Variants in TYW1B observed in about 807,000 individuals in gnomAD.
TYW1B encodes tRNA-yW synthesizing protein 1 homolog B, also known as S-adenosyl-L-methionine-dependent tRNA 4-demethylwyosine synthase TYW1B.
In TYW1B, 73 loss-of-function variants were observed where a neutral mutation model predicts 86.9. The observed-to-expected ratio is 0.84, with a 90% CI of 0.70 to 1.02. The LOEUF is 1.02. Among genes scored for constraint, TYW1B ranks in the 50% least tolerant of loss-of-function variants. TYW1B has a pLI of 0.00. For missense variants in TYW1B, 637 were observed against 827.4 expected, an observed-to-expected ratio of 0.77 and a Z score of 2.82; for synonymous variants, 248 against 292.8, an observed-to-expected ratio of 0.85 and a Z score of 1.56.
At chr7:72,741,498 A>G (rs1332045041) in intron 8 of TYW1B, among the ~76,000 whole-genome samples, 2 of 152,172 alleles carry the variant, frequency 1.3e-5, no homozygotes, top group African/African-American at 2.4e-5. Flanking sequence ...GAGCTGGGGG[A>G]CACCATCAAG....
intron 2 of TYW1B, among the ~76,000 whole-genome samples, chr7:72,820,032 C>G (rs113559722): frequency 6.6e-6 from 1 of 151,970 alleles, no homozygotes; most frequent in African/African-American, 2.4e-5. Context: ...CCCAGCACTT[C>G]GGGAGGCCAA....
chr7:72,809,999 C>CA (rs59099398), intron 4 of TYW1B, among the ~76,000 whole-genome samples: 1,395 of 75,792 alleles, frequency 0.018, 46 homozygotes, highest in African/African-American at 0.036. Flanking sequence ...ACTCTGTTTC[C>CA]AAAAAAAAAA....
At chr7:72,721,977 T>C (rs1338926304) in intron 9 of TYW1B, among the ~76,000 whole-genome samples, 1 of 152,192 alleles carries the variant, frequency 6.6e-6, no homozygotes, top group Non-Finnish European at 1.5e-5. Context: ...TATATTCCTA[T>C]TTCTAAAGTT....
chr7:72,578,192 C>A (rs1456783250), intron 13 of TYW1B, among the ~76,000 whole-genome samples: 1 of 150,944 alleles, frequency 6.6e-6, no homozygotes, highest in Non-Finnish European at 1.5e-5. Context: ...CGGCTCACTG[C>A]AAGCTCTGCC....
In TYW1B at chr7:72,744,473, T is replaced by C. The variant is rs1787358820; in HGVS notation, c.1082+11A>G. Reference sequence around the variant, plus strand: ...CATATTCGATCACCATGACCTTTCATTTTTACTTACCACCAACAGAAGACA... The same window carrying C: ...CATATTCGATCACCATGACCTTTCACTTTTACTTACCACCAACAGAAGACA... On this transcript the variant is annotated intron_variant, in intron 8 of 13. Coordinates refer to ENST00000620995, the MANE Select transcript of TYW1B (RefSeq NM_001145440.3). 5.0e-6 allele frequency: 8 copies of C among 1,613,058 alleles called. No homozygotes were observed. The East Asian group carries it at 1.8e-4, about 36-fold the overall frequency.
chr7:72,707,438 AGTTTGAGATGGGTG>A (rs1477604566), intron 10 of TYW1B, among the ~76,000 whole-genome samples: 1 of 152,126 alleles, frequency 6.6e-6, no homozygotes, highest in African/African-American at 2.4e-5. Flanking sequence ...ATTGTTAGTT[AGTTTGAGATGGGTG>A]GTTGCAGCAA....
intron 11 of TYW1B, among the ~76,000 whole-genome samples, chr7:72,663,133 A>G (rs1483397934): frequency 2.0e-5 from 3 of 147,078 alleles, no homozygotes; most frequent in Non-Finnish European, 4.5e-5. Flanking sequence ...ATTAAGGAGG[A>G]TGAAATCTAC....
rs544759471 is a variant in TYW1B, at chr7:72,786,418, C to A, written c.847-8885G>T. On this transcript the variant is annotated intron_variant, in intron 6 of 13. Transcript: ENST00000620995. ...CATAAAGCCCAAAATCATTTCATTT[C>A]AAAAAAATAATGTACATGGATGTCT... 1.9e-4 allele frequency among the ~76,000 whole-genome samples: 29 copies of A among 151,994 alleles called. No individual in the cohort carries two copies. The East Asian group carries it at 5.6e-3, about 29-fold the overall frequency.
At chr7:72,740,398 T>A (rs1290227121) in intron 8 of TYW1B, among the ~76,000 whole-genome samples, 9 of 77,836 alleles carry the variant, frequency 1.2e-4, no homozygotes, top group East Asian at 5.2e-4. Flanking sequence ...AGACCCTGTC[T>A]CAAAAGGAAA....
chr7:72,615,383 T>C (rs1812046698), intron 13 of TYW1B, among the ~76,000 whole-genome samples: 1 of 152,222 alleles, frequency 6.6e-6, no homozygotes, highest in African/African-American at 2.4e-5. Flanking sequence ...GACACAGCCA[T>C]TTAAGCCAGT....
At chr7:72,678,619 C>T (rs1436645722) in intron 11 of TYW1B, among the ~76,000 whole-genome samples, 6 of 110,416 alleles carry the variant, frequency 5.4e-5, no homozygotes, top group Non-Finnish European at 9.0e-5. Flanking sequence ...AATTCCAGCA[C>T]TTTTTTTTTT....
At chr7:72,703,138 C>A (rs569467828) in intron 10 of TYW1B, among the ~76,000 whole-genome samples, 23 of 151,256 alleles carry the variant, frequency 1.5e-4, no homozygotes, top group Admixed American at 1.5e-3. Context: ...CATACTCCTG[C>A]CTCAGCCTCC....
intron 11 of TYW1B, among the ~76,000 whole-genome samples, chr7:72,639,242 T>A (rs111354311): frequency 8.2e-5 from 12 of 147,226 alleles, no homozygotes; most frequent in African/African-American, 2.3e-4. Flanking sequence ...TTTATTTTTT[T>A]AAATTTTTTT....
intron 6 of TYW1B, among the ~76,000 whole-genome samples, chr7:72,797,140 A>G (rs1391075187): frequency 1.3e-5 from 2 of 152,188 alleles, no homozygotes; most frequent in African/African-American, 2.4e-5. Context: ...GGTTCTTGGT[A>G]CACAGCTTCA....
chr7:72,618,031 T>G (rs1299793898), intron 12 of TYW1B, among the ~76,000 whole-genome samples: 1 of 152,022 alleles, frequency 6.6e-6, no homozygotes, highest in African/African-American at 2.4e-5. Flanking sequence ...AAATCAAACT[T>G]TTCTCAACAA....
intron 9 of TYW1B, among the ~76,000 whole-genome samples, 188 bp downstream of exon 9, chr7:72,728,619 ATTTTAAATTTTTAGT>A (rs1787048664): frequency 1.3e-5 from 2 of 152,192 alleles, no homozygotes; most frequent in African/African-American, 2.4e-5. Flanking sequence ...AAGTTGCTAC[ATTTTAAATTTTTAGT>A]TCTTCCATCA....
intron 11 of TYW1B, among the ~76,000 whole-genome samples, chr7:72,662,188 T>C (rs369707118): frequency 0.016 from 1,947 of 124,392 alleles, no homozygotes; most frequent in African/African-American, 0.028. Flanking sequence ...AAGATGGTAA[T>C]TTGCTTTCAT....
intron 13 of TYW1B, among the ~76,000 whole-genome samples, chr7:72,579,113 G>A (rs1554429255): frequency 1.3e-5 from 2 of 151,396 alleles, no homozygotes; most frequent in Non-Finnish European, 2.9e-5. Context: ...TCTAGTACAC[G>A]CAAATATACA....
intron 13 of TYW1B, among the ~76,000 whole-genome samples, chr7:72,616,350 C>T (rs1325466879): frequency 1.3e-5 from 2 of 152,186 alleles, no homozygotes; most frequent in Non-Finnish European, 2.9e-5. Context: ...ACTATTTTAG[C>T]TTTTCCCTGT....
Sources: gnomAD v4.1 joint callset for allele counts (sites outside exome capture counted in the v4.1 genomes callset) on GRCh38, gnomAD v4.1.1 for gene constraint, MANE v1.5 for transcripts, NCBI Gene and HGNC (gene_info 2026-07-23, HGNC 2026-07-21) for gene names.